RORA: variants seen among roughly 807,000 people sequenced by gnomAD.
RORA encodes RAR related orphan receptor A.
Under a neutral mutation model 69.5 loss-of-function variants are expected in RORA, and 7 were observed. The observed-to-expected ratio is 0.10, with a 90% CI of 0.06 to 0.19. The LOEUF (loss-of-function observed/expected upper bound fraction) is 0.19. Among genes scored for constraint, RORA ranks in the 10% least tolerant of loss-of-function variants. RORA has a pLI of 1.00. For synonymous variants in RORA, 261 were observed against 240.8 expected, an observed-to-expected ratio of 1.08 and a Z score of -0.78; for missense variants, 457 against 663.0, an observed-to-expected ratio of 0.69 and a Z score of 3.41.
At chr15:60,651,958 G>A (rs2070148519) in intron 2 of RORA, among the ~76,000 whole-genome samples, 1 of 152,164 alleles carries the variant, frequency 6.6e-6, no homozygotes, top group Admixed American at 6.5e-5. Context: ...ATAACCACAG[G>A]GGCCTGGCTT....
intron 1 of RORA, among the ~76,000 whole-genome samples, chr15:60,726,938 G>A (rs1778818050): frequency 6.6e-6 from 1 of 152,128 alleles, no homozygotes; most frequent in African/African-American, 2.4e-5. Context: ...TTATACTACA[G>A]AATCTCCTTA....
intron 1 of RORA, chr15:61,041,063 C>T (rs1896742407): frequency 6.6e-6 from 1 of 152,196 alleles, no homozygotes. Context: ...ATAGGGGAGA[C>T]AGTCAGGAAT....
At chr15:61,047,542 G>A (rs1281486872) in intron 1 of RORA, among the ~76,000 whole-genome samples, 1 of 152,212 alleles carries the variant, frequency 6.6e-6, no homozygotes, top group Non-Finnish European at 1.5e-5. Flanking sequence ...CTTCTCCTTG[G>A]AGTGTCTCTT....
chr15:61,016,319 T>A (rs575154889), intron 1 of RORA, among the ~76,000 whole-genome samples: 3 of 152,148 alleles, frequency 2.0e-5, no homozygotes, highest in Non-Finnish European at 4.4e-5. Context: ...CCACTAATAT[T>A]ATGGTTGCCG....
intron 6 of RORA, among the ~76,000 whole-genome samples, chr15:60,504,422 C>T (rs921437161): frequency 3.9e-5 from 6 of 152,006 alleles, no homozygotes; most frequent in Admixed American, 2.0e-4. Context: ...TGGTACACAC[C>T]GGTACTCCCA....
chr15:60,579,668 T>C (rs1210011662), intron 2 of RORA, among the ~76,000 whole-genome samples: 1 of 152,186 alleles, frequency 6.6e-6, no homozygotes, highest in Admixed American at 6.5e-5. Context: ...AAGTCCCAAC[T>C]CTTTCCCAAA....
At chr15:61,017,064 A>G (rs1895316888) in intron 1 of RORA, among the ~76,000 whole-genome samples, 2 of 152,234 alleles carry the variant, frequency 1.3e-5, no homozygotes, top group South Asian at 4.1e-4. Flanking sequence ...AAAATTATAA[A>G]CAACATCCAA....
chr15:61,150,084 C>T (rs1168769098), intron 1 of RORA, among the ~76,000 whole-genome samples: 1 of 152,136 alleles, frequency 6.6e-6, no homozygotes, highest in African/African-American at 2.4e-5. Context: ...GGTTAAACTC[C>T]TTTCTATGTG....
intron 1 of RORA, among the ~76,000 whole-genome samples, chr15:60,824,760 C>G (rs1321212398): frequency 4.6e-5 from 7 of 152,166 alleles, no homozygotes; most frequent in African/African-American, 1.7e-4. Context: ...AGAGTTAGCT[C>G]TCATTGGAAA....
chr15:60,612,975 G>A (rs73424022), intron 2 of RORA, among the ~76,000 whole-genome samples: 53,444 of 151,428 alleles, frequency 0.35, 10,138 homozygotes, highest in African/African-American at 0.49. Flanking sequence ...CCTAGAGAAG[G>A]AAACTGTATT....
At chr15:60,754,842 G>C (rs543449603) in intron 1 of RORA, among the ~76,000 whole-genome samples, 19 of 152,244 alleles carry the variant, frequency 1.2e-4, no homozygotes, top group African/African-American at 4.6e-4. Flanking sequence ...CTTGCTTCTT[G>C]AAGCTAGCAC....
At chr15:60,980,133 GA>G (rs1242885611) in intron 1 of RORA, among the ~76,000 whole-genome samples, 4 of 152,092 alleles carry the variant, frequency 2.6e-5, no homozygotes, top group Admixed American at 6.5e-5. Flanking sequence ...CTATTGAGAT[GA>G]TCACATGGGT....
intron 1 of RORA, among the ~76,000 whole-genome samples, chr15:61,182,639 A>G (rs1028927498): frequency 2.6e-5 from 4 of 152,338 alleles, no homozygotes; most frequent in African/African-American, 7.2e-5. Context: ...GAGAAGTAGA[A>G]TATTTCCTAG....
At position 61,123,283 on chromosome 15, in the gene RORA, A is replaced by G. The variant is rs535457504; in HGVS notation, c.166+105770T>C. On this transcript the variant is annotated intron_variant, in intron 1 of 10. Transcript: ENST00000335670. ...ACACCAGAGGCTGAGTTAACTGCCA[A>G]TGAGGCGAGGGGGGAGCAGGGAAGG... Among the ~76,000 whole-genome samples the G allele has an allele frequency of 1.1e-4, 17 of 152,246 alleles. No homozygotes were observed. The South Asian group carries it at 3.3e-3, about 30-fold the overall frequency.
chr15:60,741,099 T>C (rs993417261), intron 1 of RORA, among the ~76,000 whole-genome samples: 3 of 152,208 alleles, frequency 2.0e-5, no homozygotes, highest in Admixed American at 6.5e-5. Context: ...CCGCTTGAGT[T>C]ATCCCCAAAT....
intron 1 of RORA, among the ~76,000 whole-genome samples, chr15:61,145,889 TGAATCCCACAGAAA>T (rs2079342068): frequency 6.6e-6 from 1 of 152,152 alleles, no homozygotes; most frequent in African/African-American, 2.4e-5. Context: ...GCCCATTATA[TGAATCCCACAGAAA>T]GAGACCCACA....
In RORA at chr15:60,511,655, A is replaced by C; in HGVS notation, c.425-34T>G. On this transcript the variant is annotated intron_variant, in intron 4 of 10. Coordinates refer to ENST00000335670, the MANE Select transcript of RORA (RefSeq NM_134261.3). The surrounding 1 kb of genome is among the most constrained non-coding windows in gnomAD (Gnocchi z 6.4). ...AAAAAGCCAAACCATACTACATACA[A>C]TGCGCTTTTCTTCAATATTCTCTCC... The C allele has an allele frequency of 6.4e-7, 1 of 1,552,356 alleles. No individual in the cohort carries two copies. The highest frequency in any genetic ancestry group is 8.7e-7 in the Non-Finnish European group (1 of 1,150,944).
intron 1 of RORA, among the ~76,000 whole-genome samples, chr15:60,920,784 T>G (rs1012777475): frequency 2.0e-5 from 3 of 152,230 alleles, no homozygotes; most frequent in Non-Finnish European, 4.4e-5. Context: ...CATTTGCTGA[T>G]AGTTTAAACA....
At chr15:60,902,137 C>T (rs534485762) in intron 1 of RORA, among the ~76,000 whole-genome samples, 5 of 152,250 alleles carry the variant, frequency 3.3e-5, no homozygotes, top group Middle Eastern at 3.4e-3. Context: ...AGTTCTAACT[C>T]GATTTTCTAC....
Sources: allele counts gnomAD v4.1 joint callset (sites outside exome capture counted in the v4.1 genomes callset), GRCh38; gene constraint gnomAD v4.1.1; non-coding constraint Gnocchi (gnomAD v3.1); transcripts MANE v1.5; gene names NCBI Gene and HGNC (gene_info 2026-07-23, HGNC 2026-07-21).